Variants in UROS observed in about 807,000 individuals in gnomAD.
UROS encodes the protein uroporphyrinogen III synthase, also known as uroporphyrinogen-III synthase.
Under a neutral mutation model 33.0 loss-of-function variants are expected in UROS, and 18 were observed. The ratio of observed to expected loss-of-function variants is 0.55; its 90% CI spans 0.38 to 0.81. The LOEUF (loss-of-function observed/expected upper bound fraction) is 0.81, where lower values mean the gene tolerates loss of function less well. Ranked by LOEUF, UROS falls within the 30% of genes least tolerant of loss-of-function variation. The pLI, the probability that UROS is intolerant of heterozygous loss-of-function variation, is 0.00. For synonymous variants in UROS, 114 were observed against 121.1 expected, an observed-to-expected ratio of 0.94 and a Z score of 0.38; for missense variants, 293 against 314.9, an observed-to-expected ratio of 0.93 and a Z score of 0.53.
chr10:125,803,081 C>T, intron 6 of UROS: 1 of 1,611,808 alleles, frequency 6.2e-7, no homozygotes, highest in Non-Finnish European at 8.5e-7. Context: ...TTTAGAAGCA[C>T]ACAGAGCAAG....
In UROS at chr10:125,811,073, G is replaced by C. The variant is rs548318362; in HGVS notation, c.319+1141C>G. On this transcript the variant is annotated intron_variant, in intron 5 of 9. Transcript: ENST00000368797. Reference sequence around the variant, plus strand: ...CAGCCACTCTAAGTCTCAAGACATAGATGCTCATCATTCATTGTATCACCA... The same window carrying C: ...CAGCCACTCTAAGTCTCAAGACATACATGCTCATCATTCATTGTATCACCA... Among the ~76,000 whole-genome samples, 4 of 152,312 alleles carry C rather than the reference G, an allele frequency of 2.6e-5. No homozygotes were observed. In the South Asian group the frequency reaches 8.3e-4, roughly 32 times the overall value.
chr10:125,817,460 G>A (rs1853440531), intron 1 of UROS, among the ~76,000 whole-genome samples: 1 of 151,554 alleles, frequency 6.6e-6, no homozygotes, highest in Admixed American at 6.6e-5. Flanking sequence ...AGGAAGTATG[G>A]TGTCACAGAA....
chr10:125,788,124 A>C (rs1217382858), downstream of UROS, among the ~76,000 whole-genome samples: 3 of 152,166 alleles, frequency 2.0e-5, no homozygotes, highest in Non-Finnish European at 4.4e-5. Context: ...CCTTCCCACC[A>C]CCAGCCCACA....
intron 6 of UROS, chr10:125,802,674 G>C (rs1387460615): frequency 8.0e-7 from 1 of 1,245,110 alleles, no homozygotes; most frequent in Non-Finnish European, 1.0e-6. Context: ...TTTTTAGCTT[G>C]AAAATGTCTC....
At position 125,800,405 on chromosome 10, in the gene UROS, C is replaced by G. The variant is rs374015525; in HGVS notation, c.395-2260G>C. 7.9e-5 allele frequency among the ~76,000 whole-genome samples: 12 copies of G among 152,288 alleles called. No homozygotes were observed. The East Asian group carries it at 9.7e-4, about 12-fold the overall frequency. On this transcript the variant is annotated intron_variant, in intron 6 of 9. Transcript: ENST00000368797. ...TGGTTTACCTGGGCATCCTCGTGTG[C>G]GTGCTGGGGGAACGGGGCGGAGTCA...
intron 6 of UROS, chr10:125,802,965 G>C: frequency 1.2e-6 from 2 of 1,612,826 alleles, no homozygotes; most frequent in African/African-American, 1.3e-5. Context: ...TGATTCATCA[G>C]CATAAGGGCA....
intron 8 of UROS, 182 bp from the exon 9 acceptor site, chr10:125,795,160 T>C: frequency 1.5e-6 from 1 of 655,856 alleles, no homozygotes; most frequent in Non-Finnish European, 2.8e-6. Flanking sequence ...GGTAGGGAAC[T>C]GTTGGAAAGA....
chr10:125,822,195 C>T (rs979734910), intron 1 of UROS, among the ~76,000 whole-genome samples: 1 of 152,190 alleles, frequency 6.6e-6, no homozygotes, highest in Non-Finnish European at 1.5e-5. Flanking sequence ...CCTGGCTGCC[C>T]CAGGCTGCAT....
chr10:125,805,192 A>G (rs1852217677), intron 6 of UROS, among the ~76,000 whole-genome samples: 1 of 152,234 alleles, frequency 6.6e-6, no homozygotes, highest in Non-Finnish European at 1.5e-5. Flanking sequence ...AGTGGCCAGA[A>G]AAGGCCCGTG....
Position 125,798,128 on chromosome 10 carries a change from G to A in UROS, c.412C>T (p.Pro138Ser), listed in dbSNP as rs748946138. Residue 138 changes from proline to serine, a missense_variant, in exon 7 of 10, where the codon CCT (proline) becomes TCT (serine). By Grantham distance (74) the Pro-to-Ser change is moderately conservative (BLOSUM62 -1). Coordinates refer to ENST00000368797, the MANE Select transcript of UROS (RefSeq NM_000375.3). ...YICSRESSALPLLFPCGNLKR... is the reference protein window; with the variant it reads ...YICSRESSALSLLFPCGNLKR... ...AGGTTTCCACAGGGAAATAGAAGAGGCAGTGCTGAGGACTCCCCTGTGAAT... is the reference window on the plus strand; with the variant it reads ...AGGTTTCCACAGGGAAATAGAAGAGACAGTGCTGAGGACTCCCCTGTGAAT... 6.2e-6 allele frequency: 10 copies of A among 1,613,938 alleles called. No homozygotes were observed. Among genetic ancestry groups the A allele is most frequent in the Non-Finnish European group, 8.5e-6 (10 of 1,179,828 alleles).
downstream of UROS, among the ~76,000 whole-genome samples, chr10:125,788,362 T>A (rs542642694): frequency 1.3e-5 from 2 of 152,340 alleles, no homozygotes; most frequent in South Asian, 4.1e-4. Flanking sequence ...TGCAGCTGCA[T>A]CTTTGAGGGA....
At chr10:125,806,831 T>C (rs1852379474) in intron 6 of UROS, among the ~76,000 whole-genome samples, 2 of 152,286 alleles carry the variant, frequency 1.3e-5, no homozygotes, top group East Asian at 1.9e-4. Flanking sequence ...GCCCTACAAG[T>C]AGACGGTCAG....
At chr10:125,816,328 T>C (rs1374449302) in intron 2 of UROS, 68 bp from the exon 3 acceptor site, 1 of 1,600,590 alleles carries the variant, frequency 6.2e-7, no homozygotes, top group East Asian at 2.2e-5. Context: ...ATTAACAATT[T>C]ATTCTGCGTC....
intron 9 of UROS, among the ~76,000 whole-genome samples, 183 bp downstream of exon 9, chr10:125,794,697 G>C (rs553466057): frequency 2.9e-4 from 44 of 152,176 alleles, no homozygotes; most frequent in African/African-American, 1.1e-3. Flanking sequence ...GTGAGGAAAC[G>C]GGCTGGGAGA....
downstream of UROS, among the ~76,000 whole-genome samples, chr10:125,788,233 C>G (rs1850687553): frequency 6.6e-6 from 1 of 152,226 alleles, no homozygotes; most frequent in Non-Finnish European, 1.5e-5. Flanking sequence ...AGTTTGGGAA[C>G]AGATTTCCAA....
intron 9 of UROS, chr10:125,792,974 A>C (rs952395494): frequency 1.3e-5 from 2 of 152,278 alleles, no homozygotes; most frequent in African/African-American, 4.8e-5. Flanking sequence ...TCTCCTCCTC[A>C]GCAATGGCAG....
chr10:125,795,728 T>G (rs1851297507), intron 8 of UROS, among the ~76,000 whole-genome samples: 1 of 152,180 alleles, frequency 6.6e-6, no homozygotes, highest in Non-Finnish European at 1.5e-5. Context: ...GTTGTATGTA[T>G]CTTCGATGCT....
chr10:125,789,473 C>A (rs1589909527), intron 9 of UROS: 1 of 731,238 alleles, frequency 1.4e-6, no homozygotes. Flanking sequence ...AATCCCAGCT[C>A]CACAGGACAA....
chr10:125,798,045 A>G lies in UROS; in HGVS notation c.475+20T>C. ...TGGATCCCAAAGTGGTAAGGGATGC[A>G]GTCAAAGCATTCTACTCGCCTTTGT... is the stretch of plus-strand genomic sequence containing the variant. On this transcript the variant is annotated intron_variant, in intron 7 of 9. Coordinates refer to ENST00000368797, the MANE Select transcript of UROS (RefSeq NM_000375.3). 1.9e-6 allele frequency: 3 copies of G among 1,613,536 alleles called. No homozygotes were observed. The highest frequency in any genetic ancestry group is 2.5e-6 in the Non-Finnish European group (3 of 1,179,462).
Sources: gnomAD v4.1 joint callset for allele counts (sites outside exome capture counted in the v4.1 genomes callset) on GRCh38, gnomAD v4.1.1 for gene constraint, MANE v1.5 for transcripts, NCBI Gene and HGNC (gene_info 2026-07-23, HGNC 2026-07-21) for gene names.